The following GLIS3 variants were observed in gnomAD, a reference collection of about 807,000 sequenced individuals.
GLIS3 encodes the protein zinc finger protein GLIS3.
In GLIS3, 53 loss-of-function variants were observed where a neutral mutation model predicts 78.6. The observed-to-expected ratio is 0.67, with a 90% CI of 0.54 to 0.85. The LOEUF (loss-of-function observed/expected upper bound fraction) is 0.85, where lower values mean the gene tolerates loss of function less well. Among genes scored for constraint, GLIS3 ranks in the 40% least tolerant of loss-of-function variants. GLIS3 has a pLI of 0.00. For synonymous variants in GLIS3, 684 were observed against 509.9 expected, an observed-to-expected ratio of 1.34 and a Z score of -4.60; for missense variants, 1,703 against 1,231.1, an observed-to-expected ratio of 1.38 and a Z score of -5.74.
intron 2 of GLIS3, among the ~76,000 whole-genome samples, chr9:4,265,914 C>A (rs10217531): frequency 1.3e-4 from 19 of 151,594 alleles, no homozygotes; most frequent in African/African-American, 4.1e-4. Flanking sequence ...TTTTGTTTGT[C>A]TGTTTGTTTG....
chr9:4,207,820 G>T lies in GLIS3; in HGVS notation c.388+78218C>A, dbSNP rs183800325. Among the ~76,000 whole-genome samples, 246 of 152,232 alleles carry T rather than the reference G, an allele frequency of 1.6e-3. 3 individuals are homozygous for T. Among genetic ancestry groups the T allele is most frequent in the Non-Finnish European group, 2.6e-4 (18 of 68,014 alleles). On this transcript the variant is annotated intron_variant, in intron 2 of 10. Transcript: ENST00000381971. ...ATTACACCTCACTTCCTCCAAACAGGTATGAGGCAAAAAAGCAAAGGGAAT... is the reference window on the plus strand; with the variant it reads ...ATTACACCTCACTTCCTCCAAACAGTTATGAGGCAAAAAAGCAAAGGGAAT...
At chr9:4,024,099 C>G (rs558816065) in intron 4 of GLIS3, among the ~76,000 whole-genome samples, 1 of 152,052 alleles carries the variant, frequency 6.6e-6, no homozygotes. Flanking sequence ...TATAGTGCTG[C>G]TTAGTCCATG....
At chr9:4,212,967 C>T (rs886193965) in intron 2 of GLIS3, among the ~76,000 whole-genome samples, 2 of 152,118 alleles carry the variant, frequency 1.3e-5, no homozygotes, top group Non-Finnish European at 2.9e-5. Flanking sequence ...GAAGCCAAAA[C>T]TAGAAACAGG....
intron 2 of GLIS3, among the ~76,000 whole-genome samples, chr9:4,271,969 A>G (rs1245047319): frequency 6.6e-6 from 1 of 152,110 alleles, no homozygotes; most frequent in East Asian, 1.9e-4. Flanking sequence ...AATGCAGGGG[A>G]TCCATAAAAT....
At chr9:4,230,516 C>A (rs771372557) in intron 2 of GLIS3, among the ~76,000 whole-genome samples, 6 of 152,066 alleles carry the variant, frequency 3.9e-5, no homozygotes, top group Admixed American at 6.6e-5. Flanking sequence ...TTATTTGGGG[C>A]CCCAGGGGTA....
intron 2 of GLIS3, among the ~76,000 whole-genome samples, chr9:4,257,491 A>G (rs1255141219): frequency 1.3e-5 from 2 of 152,250 alleles, no homozygotes; most frequent in East Asian, 3.8e-4. Context: ...ACCACAAAAA[A>G]GCAAACCAAA....
intron 9 of GLIS3, among the ~76,000 whole-genome samples, chr9:3,851,420 G>C (rs941005786): frequency 2.0e-5 from 3 of 152,176 alleles, no homozygotes; most frequent in African/African-American, 7.2e-5. Context: ...ATACTACCAA[G>C]ATTCAAACAT....
At chr9:4,332,273 C>G (rs969048426) in intron 2 of GLIS3, among the ~76,000 whole-genome samples, 2 of 152,192 alleles carry the variant, frequency 1.3e-5, no homozygotes, top group Non-Finnish European at 2.9e-5. Context: ...CTTCCCAGGT[C>G]CAGGTGTAGA....
At chr9:3,956,988 G>A (rs1588311475) in intron 4 of GLIS3, among the ~76,000 whole-genome samples, 1 of 152,160 alleles carries the variant, frequency 6.6e-6, no homozygotes, top group African/African-American at 2.4e-5. Context: ...CCATCCTTGA[G>A]AACTTGCCCT....
chr9:4,240,137 T>C (rs1823154019), intron 2 of GLIS3, among the ~76,000 whole-genome samples: 1 of 145,422 alleles, frequency 6.9e-6, no homozygotes, highest in Non-Finnish European at 1.5e-5. Flanking sequence ...GTCTCCAACC[T>C]TTGTGGCATC....
At chr9:3,922,337 C>T (rs528480782) in intron 6 of GLIS3, among the ~76,000 whole-genome samples, 1 of 152,104 alleles carries the variant, frequency 6.6e-6, no homozygotes, top group Non-Finnish European at 1.5e-5. Context: ...GAAAGATAGG[C>T]ACCAAAGTTA....
Position 4,342,116 on chromosome 9 carries a change from G to A in GLIS3, n.264+4965C>T, listed in dbSNP as rs12338466. Among the ~76,000 whole-genome samples the A allele has an allele frequency of 3.3e-3, 506 of 152,234 alleles. 6 individuals are homozygous for A. The highest frequency in any genetic ancestry group is 0.012 in the African/African-American group (487 of 41,552). ...TCTTTAGTTTAATTAGGTCCCATTT[G>A]TCAATTTTTATTATTGCTTTTGGCA... On this transcript the variant is annotated intron_variant and non_coding_transcript_variant, in intron 2 of 4. Transcript: ENST00000471664.
At chr9:3,973,853 G>C (rs10974268) in intron 4 of GLIS3, among the ~76,000 whole-genome samples, 4 of 151,894 alleles carry the variant, frequency 2.6e-5, no homozygotes, top group African/African-American at 9.7e-5. Context: ...TAAAATTTTC[G>C]ACATCTTATT....
At chr9:4,287,361 C>G (rs770880699) in intron 1 of GLIS3, among the ~76,000 whole-genome samples, 12 of 152,172 alleles carry the variant, frequency 7.9e-5, no homozygotes, top group Non-Finnish European at 1.3e-4. Flanking sequence ...GGAAGCAGAA[C>G]AAGAACCAAG....
chr9:4,109,431 C>T (rs1268772363), intron 4 of GLIS3, among the ~76,000 whole-genome samples: 1 of 152,182 alleles, frequency 6.6e-6, no homozygotes, highest in Non-Finnish European at 1.5e-5. Context: ...ACAGAAAATG[C>T]TTTCATGCTA....
intron 4 of GLIS3, among the ~76,000 whole-genome samples, chr9:4,017,851 G>A (rs1354865823): frequency 6.6e-6 from 1 of 152,212 alleles, no homozygotes; most frequent in Non-Finnish European, 1.5e-5. Flanking sequence ...CTGTGTGATT[G>A]CAAAGGTCAG....
intron 2 of GLIS3, among the ~76,000 whole-genome samples, chr9:4,156,969 G>T (rs1424125943): frequency 2.0e-5 from 3 of 152,120 alleles, no homozygotes; most frequent in Admixed American, 6.6e-5. Context: ...GAAACCTGGG[G>T]GTAGGGTCAA....
Position 3,824,953 on chromosome 9 carries a change from C to G in GLIS3, c.*3319G>C, listed in dbSNP as rs1246404371. The G allele has an allele frequency of 1.4e-5, 2 of 147,286 alleles. No homozygotes were observed. The highest frequency in any genetic ancestry group is 3.9e-4 in the East Asian group (2 of 5,066). 9.1% of individuals were successfully genotyped at this position (147,286 alleles called of 1,614,324 possible). On this transcript the variant is annotated 3_prime_UTR_variant, in exon 11 of 11. Transcript: ENST00000381971. ...AAAAAAAATAATAACCGCAGAAATT[C>G]CACACCACTAACAAAAAGTGCTATT... is the stretch of plus-strand genomic sequence containing the variant.
At chr9:4,083,353 G>C (rs1303019724) in intron 4 of GLIS3, among the ~76,000 whole-genome samples, 1 of 152,066 alleles carries the variant, frequency 6.6e-6, no homozygotes, top group Non-Finnish European at 1.5e-5. Flanking sequence ...GAGCCTGGCA[G>C]TCCATAATCC....
Sources: gnomAD v4.1 joint callset for allele counts (sites outside exome capture counted in the v4.1 genomes callset) on GRCh38, gnomAD v4.1.1 for gene constraint, MANE v1.5 for transcripts, NCBI Gene and HGNC (gene_info 2026-07-23, HGNC 2026-07-21) for gene names.